ATP10A: variants seen among roughly 807,000 people sequenced by gnomAD.
ATP10A encodes ATPase phospholipid transporting 10A (putative).
In ATP10A, 111 loss-of-function variants were observed where a neutral mutation model predicts 147.8. The ratio of observed to expected loss-of-function variants is 0.75; its 90% CI spans 0.64 to 0.88. The LOEUF (loss-of-function observed/expected upper bound fraction) is 0.88. Among genes scored for constraint, ATP10A ranks in the 40% least tolerant of loss-of-function variants. The pLI, the probability that ATP10A is intolerant of heterozygous loss-of-function variation, is 0.00. For missense variants in ATP10A, 1,927 were observed against 1,959.0 expected, an observed-to-expected ratio of 0.98 and a Z score of 0.31; for synonymous variants, 875 against 841.6, an observed-to-expected ratio of 1.04 and a Z score of -0.69.
At chr15:25,709,113 C>G in intron 10 of ATP10A, 1 of 152,190 alleles carries the variant, frequency 6.6e-6, no homozygotes. Flanking sequence ...GTGGAAAAAT[C>G]TTACTCTTTT....
In ATP10A at chr15:25,824,473, CA is replaced by C. The variant is rs11376348; in HGVS notation, c.449+38174del. ...TGGACAAGGGAGCAAGACCCTGTCT[CA>C]AAAAAAAAAAAATAGAAAAAAGAAA... On this transcript the variant is annotated intron_variant, in intron 1 of 20. Transcript: ENST00000555815. 1.6e-4 allele frequency among the ~76,000 whole-genome samples: 22 copies of C among 138,312 alleles called. No homozygotes were observed. In the East Asian group the frequency reaches 2.9e-3, roughly 18 times the overall value. The allele number at this position is 138,312 out of a possible 152,430, so 90.7% of individuals were successfully genotyped here. A position where few individuals can be genotyped will look rare whatever the true frequency, so the allele number is the denominator to read the frequency against.
intron 2 of ATP10A, among the ~76,000 whole-genome samples, chr15:25,777,064 TGTGTGTGTGCATGC>T (rs1305521647): frequency 6.6e-6 from 1 of 151,338 alleles, no homozygotes; most frequent in Non-Finnish European, 1.5e-5. Context: ...GTGGGGTGTG[TGTGTGTGTGCATGC>T]GTGTGTGTGC....
intron 12 of ATP10A, among the ~76,000 whole-genome samples, chr15:25,704,384 C>T (rs1026186995): frequency 1.3e-5 from 2 of 152,224 alleles, no homozygotes; most frequent in African/African-American, 4.8e-5. Flanking sequence ...ATGGCAACTT[C>T]CTGCCTCAAG....
chr15:25,776,208 C>T (rs1461430008), intron 2 of ATP10A, among the ~76,000 whole-genome samples: 3 of 152,206 alleles, frequency 2.0e-5, no homozygotes, highest in Non-Finnish European at 4.4e-5. Flanking sequence ...CTAGAAACTG[C>T]TACCCACAGA....
intron 3 of ATP10A, among the ~76,000 whole-genome samples, chr15:25,732,708 ATG>A (rs1269800712): frequency 2.0e-5 from 3 of 151,678 alleles, no homozygotes; most frequent in Non-Finnish European, 4.4e-5. Context: ...GGCGCCCTCC[ATG>A]ACACCTGGCT....
intron 14 of ATP10A, among the ~76,000 whole-genome samples, chr15:25,694,474 G>T (rs763075826): frequency 6.6e-6 from 1 of 152,208 alleles, no homozygotes; most frequent in Non-Finnish European, 1.5e-5. Flanking sequence ...CCTGGGCTAA[G>T]GCTGAGTGTG....
rs528267526 is a variant in ATP10A, at chr15:25,776,288, C to T, written c.654+4731G>A. 1.2e-4 allele frequency among the ~76,000 whole-genome samples: 18 copies of T among 152,230 alleles called. No individual in the cohort carries two copies. In the South Asian group the frequency reaches 3.3e-3, roughly 28 times the overall value. On this transcript the variant is annotated intron_variant, in intron 2 of 20. Coordinates refer to ENST00000555815, the MANE Select transcript of ATP10A (RefSeq NM_024490.4). ...CAGGTGAGAGACAGCAGACACCCCA[C>T]GCAAAGTGGAGGAACCCGCTCCGAA...
rs73361174 is a variant in ATP10A, at chr15:25,695,022, G to A, written c.2885C>T (p.Thr962Met). The A allele has an allele frequency of 1.8e-3, 2,840 of 1,614,186 alleles. 24 individuals are homozygous for A. The African/African-American group carries it at 0.022, about 13-fold the overall frequency. ...GGGTCTGCGGCCAGAGGCAGTGGAC[G>A]TGGAGGGTGGGCAGAGAGAGGAGAA... ...MRFSSLCPPS[T>M]STASGRRPSL... Residue 962 changes from threonine to methionine, a missense_variant, in exon 14 of 21, where the codon ACG becomes ATG. Transcript: ENST00000555815.
intron 1 of ATP10A, among the ~76,000 whole-genome samples, chr15:25,792,793 G>A (rs12442174): frequency 0.51 from 77,069 of 151,082 alleles, 20,021 homozygotes; most frequent in South Asian, 0.65. Context: ...GGCTCTCATC[G>A]CTGAGACCAT....
chr15:25,809,969 T>C (rs771862261), intron 1 of ATP10A, among the ~76,000 whole-genome samples: 2 of 148,246 alleles, frequency 1.3e-5, no homozygotes, highest in Non-Finnish European at 3.0e-5. Context: ...CCAGAAAATC[T>C]GGGACATGCA....
chr15:25,713,144 C>G (rs1901546267), intron 10 of ATP10A, among the ~76,000 whole-genome samples: 2 of 152,228 alleles, frequency 1.3e-5, no homozygotes, highest in African/African-American at 4.8e-5. Context: ...GGAGGTGAGG[C>G]TGCACTCCTC....
chr15:25,749,060 CAAAAAAAAA>C (rs1171259548), intron 2 of ATP10A, among the ~76,000 whole-genome samples: 39 of 67,480 alleles, frequency 5.8e-4, no homozygotes, highest in Admixed American at 5.5e-4. Context: ...GAGACTCTGT[CAAAAAAAAA>C]AAAAAAAAAA....
chr15:25,737,379 C>G (rs1246372838), intron 2 of ATP10A, among the ~76,000 whole-genome samples: 1 of 152,218 alleles, frequency 6.6e-6, no homozygotes, highest in African/African-American at 2.4e-5. Context: ...CAGGATTATT[C>G]TTGGCAGACG....
intron 1 of ATP10A, among the ~76,000 whole-genome samples, chr15:25,804,357 GTGTT>G (rs1178345840): frequency 1.3e-5 from 2 of 151,416 alleles, no homozygotes; most frequent in Admixed American, 6.6e-5. Flanking sequence ...ATGTGACGCT[GTGTT>G]TGTGAGTACA....
chr15:25,734,915 G>C (rs1887174392), intron 3 of ATP10A, among the ~76,000 whole-genome samples: 1 of 151,308 alleles, frequency 6.6e-6, no homozygotes, highest in Non-Finnish European at 1.5e-5. Context: ...CAAAACAGAA[G>C]ACTCAACCTA....
chr15:25,850,230 A>T lies in ATP10A; in HGVS notation c.449+12418T>A, dbSNP rs368207128. ...ATGGTTGGCTTGTTCAGAGAGAGAG[A>T]GTCAGTGGGGAGCACCCAGCAGGAA... On this transcript the variant is annotated intron_variant, in intron 1 of 20. Transcript: ENST00000555815. Among the ~76,000 whole-genome samples the T allele has an allele frequency of 1.5e-4, 23 of 152,218 alleles. No homozygotes were observed. In the East Asian group the frequency reaches 3.7e-3, roughly 24 times the overall value.
chr15:25,828,513 A>T (rs890674052), intron 1 of ATP10A, among the ~76,000 whole-genome samples: 1 of 152,224 alleles, frequency 6.6e-6, no homozygotes, highest in South Asian at 2.1e-4. Context: ...ACATACGTGG[A>T]CATTAAACAA....
chr15:25,686,288 G>A (rs1899711859), intron 16 of ATP10A, among the ~76,000 whole-genome samples: 2 of 46,224 alleles, frequency 4.3e-5, no homozygotes, highest in South Asian at 8.2e-4. Context: ...GAACCAGCCT[G>A]AGCAACAAAG....
chr15:25,761,274 G>C lies in ATP10A; in HGVS notation c.654+19745C>G, dbSNP rs528680977. Among the ~76,000 whole-genome samples the C allele has an allele frequency of 7.2e-5, 11 of 152,280 alleles. No individual in the cohort carries two copies. In the South Asian group the frequency reaches 2.3e-3, roughly 32 times the overall value. On this transcript the variant is annotated intron_variant, in intron 2 of 20. Transcript: ENST00000555815. ...CAGTGGTTGTCCGGGGCCACTCTCA[G>C]TACCAATTTACTGTATGAGTCTGTT...
Sources: gnomAD v4.1 joint callset for allele counts (sites outside exome capture counted in the v4.1 genomes callset) on GRCh38, gnomAD v4.1.1 for gene constraint, MANE v1.5 for transcripts, NCBI Gene and HGNC (gene_info 2026-07-23, HGNC 2026-07-21) for gene names.